ZNF266: variants seen among roughly 807,000 people sequenced by gnomAD.
ZNF266 encodes the protein zinc finger protein 266, also known as zinc finger protein 1.
In ZNF266, 16 loss-of-function variants were observed where a neutral mutation model predicts 16.4. That is an observed-to-expected ratio of 0.98 (90% CI 0.66 to 1.48). The LOEUF is 1.48. ZNF266 is among the 40% of genes most tolerant of loss of function. ZNF266 has a pLI of 0.00. For synonymous variants in ZNF266, 262 were observed against 237.9 expected (o/e 1.10, Z -0.93); for missense variants, 738 against 689.1 (o/e 1.07, Z -0.79).
At position 9,413,917 on chromosome 19, in the gene ZNF266, G is replaced by C; in HGVS notation, c.1209C>G (p.Ser403=). 2.5e-6 allele frequency: 4 copies of C among 1,613,926 alleles called. No individual in the cohort carries two copies. Among genetic ancestry groups the C allele is most frequent in the Non-Finnish European group, 3.4e-6 (4 of 1,179,988 alleles). The change falls in exon 11 of 11, where the codon TCC becomes TCG. Residue 403 remains serine, a synonymous_variant. Coordinates refer to ENST00000592904, the MANE Select transcript of ZNF266 (RefSeq NM_001370374.1). ...TTCGAAAGTGATCACTGAGGCATGA[G>C]GAATTTCTAAAGGATTTTCCACATA... ...CKICGKSFRN[S]SCLSDHFRIH...
At position 9,414,615 on chromosome 19, in the gene ZNF266, TCTCA is replaced by T. The variant is rs751157838; in HGVS notation, c.507_510del (p.Ser169ArgfsTer11). The T allele has an allele frequency of 2.8e-5, 45 of 1,611,704 alleles. No homozygotes were observed. In the African/African-American group the frequency reaches 2.8e-4, roughly 10 times the overall value. On this transcript the variant is annotated frameshift_variant, in exon 11 of 11. Transcript: ENST00000592904. LOFTEE classifies it low-confidence loss of function (END_TRUNC). ...CCATACAGATAACACTCAAATGTGT[TCTCA>T]CTATTTTGAGTTCTCACATGTGTCT...
At position 9,414,440 on chromosome 19, in the gene ZNF266, C is replaced by T. The variant is rs545411828; in HGVS notation, c.686G>A (p.Gly229Glu). Residue 229 changes from glycine to glutamate, a missense_variant, in exon 11 of 11, where the codon GGG (glycine) becomes GAG (glutamate). Gly to Glu is a moderately conservative substitution (Grantham distance 98). Coordinates refer to ENST00000592904, the MANE Select transcript of ZNF266 (RefSeq NM_001370374.1). ...GTGTGAATGATTAATGAAGGATTTC[C>T]CAGAGTCACTGCAATCAAAAGCTTT... ...GEKAFDCSDS[G>E]KSFINHSHLQ... 13 of 1,614,094 alleles carry T rather than the reference C, an allele frequency of 8.1e-6. No homozygotes were observed. The East Asian group carries it at 1.8e-4, about 22-fold the overall frequency.
intron 5 of ZNF266, among the ~76,000 whole-genome samples, chr19:9,427,891 T>C (rs1316515426): frequency 3.9e-5 from 6 of 152,194 alleles, no homozygotes; most frequent in African/African-American, 1.4e-4. Flanking sequence ...TTTTGGGTTC[T>C]GGTGGCAACA....
intron 7 of ZNF266, chr19:9,418,873 C>G: frequency 2.9e-6 from 1 of 340,496 alleles, no homozygotes; most frequent in South Asian, 4.1e-5. Context: ...GCAGCACACT[C>G]TTGAGCAGAT....
chr19:9,422,788 C>T (rs1046102894), intron 5 of ZNF266, among the ~76,000 whole-genome samples: 1 of 152,164 alleles, frequency 6.6e-6, no homozygotes, highest in Non-Finnish European at 1.5e-5. Flanking sequence ...GGCAGAACTT[C>T]AGGCAGTGTA....
rs750657791 is a variant in ZNF266, at chr19:9,418,560, C to T, written c.180G>A (p.Gln60=). 9 of 1,614,142 alleles carry T rather than the reference C, an allele frequency of 5.6e-6. No homozygotes were observed. Among genetic ancestry groups the T allele is most frequent in the Non-Finnish European group, 5.9e-6 (7 of 1,179,986 alleles). Reference sequence around the variant, plus strand: ...GCATCACATCTCTGTAGAGGTTTCTCTGAGTTGGGTCCAGTAAAGTCCATT... The same window carrying T: ...GCATCACATCTCTGTAGAGGTTTCTTTGAGTTGGGTCCAGTAAAGTCCATT... ...PEEWTLLDPT[Q]RNLYRDVMLE... The change falls in exon 8 of 11, where the codon CAG becomes CAA. Residue 60 remains glutamine, a synonymous_variant. Transcript: ENST00000592904.
At chr19:9,427,963 G>A (rs1178068499) in intron 5 of ZNF266, among the ~76,000 whole-genome samples, 3 of 150,596 alleles carry the variant, frequency 2.0e-5, no homozygotes, top group East Asian at 3.9e-4. Flanking sequence ...TTAATGCCTC[G>A]AAGAAAAAAA....
In ZNF266 at chr19:9,418,526, AG is replaced by A. The variant is rs1235609552; in HGVS notation, c.213del (p.Tyr72ThrfsTer7). 1 of 1,614,204 alleles carries A rather than the reference AG, an allele frequency of 6.2e-7. No homozygotes were observed. ...RNLYRDVMLE[N>X]YKNLATVGYQ... is the part of the protein sequence containing the mutation. ...TTACCTACTGTGGCCAAATTCTTGT[AG>A]TTCTCCAGCATCACATCTCTGTAGA... is the stretch of plus-strand genomic sequence containing the variant. On this transcript the variant is annotated frameshift_variant, in exon 8 of 11. Coordinates refer to ENST00000592904, the MANE Select transcript of ZNF266 (RefSeq NM_001370374.1). LOFTEE classifies it high-confidence loss of function.
intron 9 of ZNF266, among the ~76,000 whole-genome samples, chr19:9,416,459 G>A (rs940075727): frequency 2.0e-5 from 3 of 150,052 alleles, no homozygotes; most frequent in African/African-American, 7.4e-5. Context: ...CGCCTCCCAA[G>A]TTCAAGCGAT....
Position 9,415,593 on chromosome 19 carries a change from A to C in ZNF266, c.405+61T>G, listed in dbSNP as rs75901532. On this transcript the variant is annotated intron_variant, in intron 10 of 10. Coordinates refer to ENST00000592904, the MANE Select transcript of ZNF266 (RefSeq NM_001370374.1). ...ATTCCCAGCTTTATTCTGATTTTCT[A>C]TAATGGAATCCCCAATCATCTCTAA... The C allele has an allele frequency of 9.8e-3, 13,666 of 1,397,196 alleles. 97 individuals are homozygous for C. Among genetic ancestry groups the C allele is most frequent in the African/African-American group, 0.032 (2,277 of 70,360 alleles). 86.5% of individuals were successfully genotyped at this position (1,397,196 alleles called of 1,614,324 possible). A position where few individuals can be genotyped will look rare whatever the true frequency, so the allele number is the denominator to read the frequency against.
At chr19:9,418,103 A>G (rs1192537286) in intron 8 of ZNF266, among the ~76,000 whole-genome samples, 195 bp from the exon 9 acceptor site, 1 of 152,242 alleles carries the variant, frequency 6.6e-6, no homozygotes, top group Admixed American at 6.5e-5. Context: ...AGGCTGATGT[A>G]CACACTTACA....
chr19:9,434,553 G>A (rs1212171321), intron 3 of ZNF266, among the ~76,000 whole-genome samples: 1 of 152,142 alleles, frequency 6.6e-6, no homozygotes, highest in African/African-American at 2.4e-5. Flanking sequence ...GATAAACAGT[G>A]TCTGCTAGTT....
At chr19:9,419,900 CAAA>C (rs1218476753) in intron 6 of ZNF266, 162 bp downstream of exon 6, 20 of 75,148 alleles carry the variant, frequency 2.7e-4, no homozygotes, top group Middle Eastern at 9.3e-3. Context: ...GACTCTGTCT[CAAA>C]AAAAAAAAAA....
In ZNF266 at chr19:9,414,946, T is replaced by G. The variant is rs561656267; in HGVS notation, c.406-226A>C. Among the ~76,000 whole-genome samples, 8 of 152,334 alleles carry G rather than the reference T, an allele frequency of 5.3e-5. No homozygotes were observed. The South Asian group carries it at 1.7e-3, about 32-fold the overall frequency. On this transcript the variant is annotated intron_variant, in intron 10 of 10. Coordinates refer to ENST00000592904, the MANE Select transcript of ZNF266 (RefSeq NM_001370374.1). Reference sequence around the variant, plus strand: ...AAATGTCTGTAGAGTTTTATGAAATTGTCTTAAAAACTCACTATCTAGTTA... The same window carrying G: ...AAATGTCTGTAGAGTTTTATGAAATGGTCTTAAAAACTCACTATCTAGTTA...
chr19:9,433,322 G>A (rs1444601625), intron 5 of ZNF266, among the ~76,000 whole-genome samples: 2 of 152,120 alleles, frequency 1.3e-5, no homozygotes, highest in African/African-American at 4.8e-5. Flanking sequence ...TACTTACATG[G>A]ATTGTATCAA....
At position 9,413,771 on chromosome 19, in the gene ZNF266, C is replaced by T. The variant is rs771094427; in HGVS notation, c.1355G>A (p.Cys452Tyr). 3.7e-6 allele frequency: 6 copies of T among 1,614,182 alleles called. No homozygotes were observed. The Admixed American group carries it at 8.3e-5, about 22-fold the overall frequency. Residue 452 changes from cysteine to tyrosine, a missense_variant, in exon 11 of 11, where the codon TGT (cysteine) becomes TAT (tyrosine). Transcript: ENST00000592904. ...SGERPYECKE[C>Y]GKAFARSSRL... is the part of the protein sequence containing the mutation. ...AGAGGATCTGGCAAAGGCCTTTCCA[C>T]ATTCCTTACATTCATAGGGCCTCTC...
chr19:9,418,413 G>T, intron 8 of ZNF266, 92 bp downstream of exon 8: 1 of 1,336,518 alleles, frequency 7.5e-7, no homozygotes, highest in Non-Finnish European at 1.1e-6. Context: ...ATTTCCCATT[G>T]TGTTCAGAGT....
intron 10 of ZNF266, among the ~76,000 whole-genome samples, chr19:9,415,392 C>T (rs527548042): frequency 4.0e-4 from 61 of 152,152 alleles, no homozygotes; most frequent in Non-Finnish European, 6.8e-4. Flanking sequence ...TTTGGGAATG[C>T]TACTTATCTC....
rs757141347 is a variant in ZNF266, at chr19:9,414,636, CAT to C, written c.488_489del (p.His163ArgfsTer6). Reference sequence around the variant, plus strand: ...GTGTTCTCACTATTTTGAGTTCTCACATGTGTCTTAAGGCATGAGTGTTCACT... The same window carrying C: ...GTGTTCTCACTATTTTGAGTTCTCACGTGTCTTAAGGCATGAGTGTTCACT... ...VSSEHSCLKT[H>X]VRTQNSENTF... On this transcript the variant is annotated frameshift_variant, in exon 11 of 11. Transcript: ENST00000592904. LOFTEE classifies it low-confidence loss of function (END_TRUNC). 1.4e-5 allele frequency: 22 copies of C among 1,608,914 alleles called. No individual in the cohort carries two copies. The Admixed American group carries it at 3.0e-4, about 22-fold the overall frequency.
Sources: allele counts gnomAD v4.1 joint callset (sites outside exome capture counted in the v4.1 genomes callset), GRCh38; gene constraint gnomAD v4.1.1; transcripts MANE v1.5; gene names NCBI Gene and HGNC (gene_info 2026-07-23, HGNC 2026-07-21).